SIN3A: variants seen among roughly 807,000 people sequenced by gnomAD.
SIN3A encodes SIN3 transcription regulator family member A.
In SIN3A, 14 loss-of-function variants were observed where a neutral mutation model predicts 146.1. The ratio of observed to expected loss-of-function variants is 0.10; its 90% CI spans 0.06 to 0.15. The LOEUF (loss-of-function observed/expected upper bound fraction) is 0.15, where lower values mean the gene tolerates loss of function less well. Ranked by LOEUF, SIN3A falls within the 10% of genes least tolerant of loss-of-function variation. The pLI is 1.00. For synonymous variants in SIN3A, 572 were observed against 572.0 expected (o/e 1.00, Z 0.00); for missense variants, 1,028 against 1,576.0 (o/e 0.65, Z 5.89).
At chr15:75,414,086 T>C (rs1015619381) in intron 4 of SIN3A, 119 bp downstream of exon 4, 14 of 445,044 alleles carry the variant, frequency 3.1e-5, no homozygotes, top group Non-Finnish European at 4.6e-5. Flanking sequence ...AAGGCATGAT[T>C]TTGAAAATTC....
At chr15:75,454,489 G>A (rs1248118606), upstream of SIN3A, among the ~76,000 whole-genome samples, 1 of 151,074 alleles carries the variant, frequency 6.6e-6, no homozygotes, top group African/African-American at 2.4e-5. Context: ...CGCCCCGCCC[G>A]GCCGGGACGG....
At chr15:75,432,685 CAA>C (rs71440236) in intron 1 of SIN3A, among the ~76,000 whole-genome samples, 16 of 84,872 alleles carry the variant, frequency 1.9e-4, no homozygotes, top group East Asian at 1.3e-3. Flanking sequence ...GACTCTGTCT[CAA>C]AAAAAAAAAA....
At chr15:75,385,192 G>T (rs981344469) in intron 16 of SIN3A, among the ~76,000 whole-genome samples, 1 of 152,140 alleles carries the variant, frequency 6.6e-6, no homozygotes, top group African/African-American at 2.4e-5. Context: ...CATGAATGCA[G>T]TATCTATGTC....
At chr15:75,446,641 G>A (rs978491976) in intron 1 of SIN3A, among the ~76,000 whole-genome samples, 1 of 151,734 alleles carries the variant, frequency 6.6e-6, no homozygotes, top group African/African-American at 2.4e-5. Context: ...ACAGGCACGC[G>A]CCAGCATGCT....
intron 1 of SIN3A, among the ~76,000 whole-genome samples, chr15:75,448,688 G>A (rs999358772): frequency 2.0e-5 from 3 of 152,138 alleles, no homozygotes; most frequent in African/African-American, 7.2e-5. Context: ...AAGAGAGAAA[G>A]CCATGAAAAG....
At chr15:75,433,948 GC>G (rs1409723948) in intron 1 of SIN3A, among the ~76,000 whole-genome samples, 1 of 152,166 alleles carries the variant, frequency 6.6e-6, no homozygotes, top group Non-Finnish European at 1.5e-5. Context: ...AACCTTATAA[GC>G]AAGGTGTTCT....
At chr15:75,419,247 C>T (rs2073799422) in intron 3 of SIN3A, 1 of 152,232 alleles carries the variant, frequency 6.6e-6, no homozygotes, top group Non-Finnish European at 1.5e-5. Context: ...ATATTCTGAA[C>T]TTTCCATACT....
At chr15:75,414,098 G>T in intron 4 of SIN3A, 107 bp downstream of exon 4, 1 of 475,226 alleles carries the variant, frequency 2.1e-6, no homozygotes, top group Non-Finnish European at 3.5e-6. Flanking sequence ...TGAAAATTCA[G>T]CTGCAAAAAG....
At chr15:75,385,135 TGCAAA>T (rs1201387364) in intron 16 of SIN3A, among the ~76,000 whole-genome samples, 1 of 152,128 alleles carries the variant, frequency 6.6e-6, no homozygotes, top group Non-Finnish European at 1.5e-5. Context: ...ACTGCACCAC[TGCAAA>T]GCTCACCGTG....
chr15:75,379,685 A>T (rs921537784), intron 19 of SIN3A, among the ~76,000 whole-genome samples: 5 of 152,244 alleles, frequency 3.3e-5, no homozygotes, highest in African/African-American at 1.2e-4. Context: ...AAGTCTAATA[A>T]CACTGGGATG....
At chr15:75,432,109 A>G (rs2074022847) in intron 1 of SIN3A, among the ~76,000 whole-genome samples, 1 of 152,218 alleles carries the variant, frequency 6.6e-6, no homozygotes, top group Non-Finnish European at 1.5e-5. Flanking sequence ...ATGTTTTTCT[A>G]GCATGAAATA....
chr15:75,411,575 T>C lies in SIN3A; in HGVS notation c.925A>G (p.Asn309Asp). 1 of 1,614,144 alleles carries C rather than the reference T, an allele frequency of 6.2e-7. No homozygotes were observed. The highest frequency in any genetic ancestry group is 8.5e-7 in the Non-Finnish European group (1 of 1,180,018). Residue 309 changes from asparagine (N) to aspartate (D), a missense_variant, in exon 6 of 21, where the codon AAC (asparagine) becomes GAC (aspartate). Physicochemically the swap from Asn to Asp is conservative, Grantham distance 23. Around this residue, in one of 9 missense-constraint regions of SIN3A, gnomAD observed 14 missense variants for 54.4 expected, o/e 0.26. Coordinates refer to ENST00000394947, the MANE Select transcript of SIN3A (RefSeq NM_001145358.2). ...CTGTTCTTGATCTTATTAACATAGTTGATGGCATGATTAAACTCCACAGGT... is the reference window on the plus strand; with the variant it reads ...CTGTTCTTGATCTTATTAACATAGTCGATGGCATGATTAAACTCCACAGGT... ...NQPVEFNHAI[N>D]YVNKIKNRFQ...
chr15:75,390,206 G>T (rs1032826408), intron 15 of SIN3A, among the ~76,000 whole-genome samples: 1 of 152,160 alleles, frequency 6.6e-6, no homozygotes, highest in African/African-American at 2.4e-5. Context: ...TTCCTCACAT[G>T]GGTCACTTGC....
upstream of SIN3A, among the ~76,000 whole-genome samples, chr15:75,452,425 G>A (rs1028682268): frequency 1.3e-5 from 2 of 152,196 alleles, no homozygotes; most frequent in Non-Finnish European, 2.9e-5. Context: ...CCACCATGGA[G>A]GACTCCCTCA....
chr15:75,453,152 C>G (rs1052289868), upstream of SIN3A: 3 of 152,306 alleles, frequency 2.0e-5, no homozygotes, highest in African/African-American at 7.2e-5. Flanking sequence ...GGAACCCACG[C>G]CTAGGTCCAA....
intron 15 of SIN3A, 31 bp from the exon 16 acceptor site, chr15:75,389,852 A>G (rs2073164166): frequency 6.2e-7 from 1 of 1,607,660 alleles, no homozygotes; most frequent in Non-Finnish European, 8.5e-7. Context: ...GTGAGGCCTT[A>G]CCTTGCTAAG....
At position 75,409,893 on chromosome 15, in the gene SIN3A, G is replaced by A; in HGVS notation, c.1260C>T (p.Pro420=). Residue 420 remains proline, a synonymous_variant, in exon 8 of 21, where the codon CCC becomes CCT. Coordinates refer to ENST00000394947, the MANE Select transcript of SIN3A (RefSeq NM_001145358.2). ...KPQLNNKPQR[P]SQNGCQIRRH... is the part of the protein sequence containing the mutation. The stretch of plus-strand genomic sequence containing the variant: ...TGCGGATCTGGCAGCCATTCTGGCT[G>A]GGCCTCTGCGGCTTGTTGTTCAGTT... 6.2e-7 allele frequency: 1 copy of A among 1,613,784 alleles called. No individual in the cohort carries two copies.
At chr15:75,442,088 C>A (rs1161527860) in intron 1 of SIN3A, among the ~76,000 whole-genome samples, 1 of 124,504 alleles carries the variant, frequency 8.0e-6, no homozygotes, top group Non-Finnish European at 1.6e-5. Context: ...CCACTGCACT[C>A]CAGCCTGGGT....
At chr15:75,389,547 A>T in intron 16 of SIN3A, 105 bp downstream of exon 16, 2 of 1,101,864 alleles carry the variant, frequency 1.8e-6, no homozygotes, top group Non-Finnish European at 2.7e-6. Context: ...CCCTACGTTC[A>T]TAAACACTGT....
Sources: gnomAD v4.1 joint callset for allele counts (sites outside exome capture counted in the v4.1 genomes callset) on GRCh38, gnomAD v4.1.1 for gene constraint, gnomAD v4.1.1 regional missense constraint, MANE v1.5 for transcripts, NCBI Gene and HGNC (gene_info 2026-07-23, HGNC 2026-07-21) for gene names.